ROBO2: variants seen among roughly 807,000 people sequenced by gnomAD.
ROBO2 encodes the protein roundabout guidance receptor 2.
ROBO2 carries 53 observed loss-of-function variants against 160.8 expected under a neutral mutation model. The observed-to-expected ratio is 0.33, with a 90% CI of 0.26 to 0.41. The LOEUF is 0.41. Among genes scored for constraint, ROBO2 ranks in the 10% least tolerant of loss-of-function variants. The probability of loss-of-function intolerance (pLI) is 1.00; values close to 1 mark genes in which losing one functional copy is unlikely to be tolerated. For missense variants in ROBO2, 1,577 were observed against 1,722.4 expected, an observed-to-expected ratio of 0.92 and a Z score of 1.49; for synonymous variants, 664 against 611.7, an observed-to-expected ratio of 1.09 and a Z score of -1.26.
At chr3:76,249,734 A>T (rs1014903131) in intron 2 of ROBO2, among the ~76,000 whole-genome samples, 1 of 152,106 alleles carries the variant, frequency 6.6e-6, no homozygotes, top group Admixed American at 6.6e-5. Flanking sequence ...CAATTCCACA[A>T]TGCGTTTAAC....
At chr3:77,355,631 A>G (rs1488321521) in intron 2 of ROBO2, among the ~76,000 whole-genome samples, 1 of 152,172 alleles carries the variant, frequency 6.6e-6, no homozygotes, top group African/African-American at 2.4e-5. Context: ...TCTACTTAGG[A>G]AAAATAATTT....
intron 2 of ROBO2, among the ~76,000 whole-genome samples, chr3:76,149,547 C>CATA (rs199827543): frequency 0.021 from 1,729 of 81,200 alleles, 52 homozygotes; most frequent in Middle Eastern, 0.042. Flanking sequence ...AAGCACACAT[C>CATA]TGTCTAAAGC....
At chr3:76,706,220 T>C (rs1453692646) in intron 2 of ROBO2, among the ~76,000 whole-genome samples, 4 of 152,116 alleles carry the variant, frequency 2.6e-5, no homozygotes, top group Admixed American at 2.6e-4. Context: ...AATTTTCAAC[T>C]TGAATATGGG....
chr3:77,408,836 T>C (rs1581710929), intron 2 of ROBO2, among the ~76,000 whole-genome samples: 1 of 152,194 alleles, frequency 6.6e-6, no homozygotes, highest in East Asian at 1.9e-4. Context: ...GGGATCTTCC[T>C]GCCTCAGCCT....
At chr3:76,467,627 G>T (rs1006379395) in intron 2 of ROBO2, among the ~76,000 whole-genome samples, 8 of 152,206 alleles carry the variant, frequency 5.3e-5, no homozygotes, top group Admixed American at 3.3e-4. Flanking sequence ...CAATGACCCT[G>T]ATAGCTGTAA....
At chr3:76,380,791 C>G (rs764515614) in intron 2 of ROBO2, among the ~76,000 whole-genome samples, 3 of 151,994 alleles carry the variant, frequency 2.0e-5, no homozygotes, top group Non-Finnish European at 2.9e-5. Flanking sequence ...CAACTGTATT[C>G]ACAAACTATC....
At position 77,098,682 on chromosome 3, in the gene ROBO2, C is replaced by CA. The variant is rs981406314; in HGVS notation, c.388+348dup. On this transcript the variant is annotated intron_variant, in intron 2 of 25. Coordinates refer to ENST00000461745, the Ensembl canonical transcript of ROBO2. ...GTAACACGGTGAAACCCCGTCTCTA[C>CA]AAAAAATACAAAAAGAAAAAAAAAA... is the stretch of plus-strand genomic sequence containing the variant. Among the ~76,000 whole-genome samples the CA allele has an allele frequency of 5.4e-4, 81 of 151,388 alleles. 1 individual carries two copies. Among genetic ancestry groups the CA allele is most frequent in the Non-Finnish European group, 1.6e-4 (11 of 67,866 alleles).
intron 2 of ROBO2, among the ~76,000 whole-genome samples, chr3:76,013,644 G>A (rs1016162064): frequency 1.3e-5 from 2 of 151,416 alleles, no homozygotes; most frequent in South Asian, 2.1e-4. Flanking sequence ...TGGGCACGGC[G>A]CCTGATGTGT....
chr3:76,214,849 C>G (rs138593162), intron 2 of ROBO2, among the ~76,000 whole-genome samples: 221 of 152,312 alleles, frequency 1.5e-3, no homozygotes, highest in South Asian at 9.7e-3. Context: ...GATCTGAGAA[C>G]GGGCAGACTG....
At chr3:76,672,696 AT>A (rs1428636542) in intron 2 of ROBO2, among the ~76,000 whole-genome samples, 1 of 152,098 alleles carries the variant, frequency 6.6e-6, no homozygotes, top group Non-Finnish European at 1.5e-5. Flanking sequence ...CTTTTCATGC[AT>A]TTTATTCTTC....
chr3:76,225,206 G>GA (rs779192757), intron 2 of ROBO2, among the ~76,000 whole-genome samples: 40 of 152,166 alleles, frequency 2.6e-4, no homozygotes, highest in Non-Finnish European at 4.1e-4. Context: ...ATTCCCCACA[G>GA]AAAAAAGAGC....
intron 2 of ROBO2, among the ~76,000 whole-genome samples, chr3:77,450,819 C>T (rs908914862): frequency 2.0e-5 from 3 of 152,076 alleles, no homozygotes; most frequent in African/African-American, 4.8e-5. Context: ...TATGCAGAAT[C>T]GTACTTTGAG....
intron 2 of ROBO2, among the ~76,000 whole-genome samples, chr3:77,122,687 A>G (rs1309321737): frequency 6.6e-6 from 1 of 152,166 alleles, no homozygotes; most frequent in East Asian, 1.9e-4. Flanking sequence ...AAATGAACCA[A>G]TGATGCCTCA....
intron 2 of ROBO2, among the ~76,000 whole-genome samples, chr3:76,862,624 G>A (rs1043511197): frequency 2.0e-5 from 3 of 151,914 alleles, no homozygotes; most frequent in African/African-American, 7.2e-5. Context: ...TCAGAGATAT[G>A]GATATTCCTT....
chr3:76,347,130 C>T (rs1206168646), intron 2 of ROBO2, among the ~76,000 whole-genome samples: 1 of 152,076 alleles, frequency 6.6e-6, no homozygotes, highest in Non-Finnish European at 1.5e-5. Context: ...AGTAAAATTA[C>T]TGGAAGACAC....
intron 2 of ROBO2, among the ~76,000 whole-genome samples, chr3:77,134,974 C>G (rs940049485): frequency 6.6e-6 from 1 of 152,168 alleles, no homozygotes; most frequent in African/African-American, 2.4e-5. Flanking sequence ...TGCCAGTGTC[C>G]ATCTGTTTGC....
intron 2 of ROBO2, among the ~76,000 whole-genome samples, chr3:76,659,364 T>C (rs1033205519): frequency 6.7e-6 from 1 of 149,328 alleles, no homozygotes; most frequent in South Asian, 2.1e-4. Flanking sequence ...TATATACATA[T>C]ATTATGTATA....
chr3:77,595,973 C>T (rs924915972), intron 18 of ROBO2, among the ~76,000 whole-genome samples: 10 of 151,974 alleles, frequency 6.6e-5, no homozygotes, highest in African/African-American at 2.4e-4. Context: ...GAAGGAAGTT[C>T]TTTACTAAAT....
At chr3:77,597,975 A>G (rs904774618) in intron 19 of ROBO2, among the ~76,000 whole-genome samples, 2 of 152,148 alleles carry the variant, frequency 1.3e-5, no homozygotes, top group Non-Finnish European at 1.5e-5. Flanking sequence ...TACTCCAAGT[A>G]CTGTTTTAAG....
Sources: allele counts gnomAD v4.1 joint callset (sites outside exome capture counted in the v4.1 genomes callset), GRCh38; gene constraint gnomAD v4.1.1; transcripts MANE v1.5; gene names NCBI Gene and HGNC (gene_info 2026-07-23, HGNC 2026-07-21).